Variants in CCR5AS observed in about 807,000 individuals in gnomAD.
CCR5AS encodes CCR5 antisense RNA.
At chr3:46,392,830 T>G (rs1307737496) in exon 2 of CCR5AS, 1 of 207,496 alleles carries the variant, frequency 4.8e-6, no homozygotes, top group Non-Finnish European at 9.4e-6. Context: ...CTTACCCGGT[T>G]TGAAATTGGT....
At chr3:46,373,716 T>G in intron 2 of CCR5AS, 4 of 1,614,124 alleles carry the variant, frequency 2.5e-6, no homozygotes, top group Non-Finnish European at 3.4e-6. Flanking sequence ...TTGCAGTAGC[T>G]CTAACAGGTT....
intron 1 of CCR5AS, among the ~76,000 whole-genome samples, chr3:46,398,594 T>A (rs1701980760): frequency 6.6e-6 from 1 of 152,242 alleles, no homozygotes; most frequent in African/African-American, 2.4e-5. Flanking sequence ...GAATTTGTCT[T>A]ATTGTCCTAA....
intron 1 of CCR5AS, among the ~76,000 whole-genome samples, chr3:46,395,514 T>C (rs1265196868): frequency 2.6e-5 from 4 of 152,082 alleles, no homozygotes; most frequent in East Asian, 3.9e-4. Context: ...TAAGAGGAAG[T>C]GTCAGCAACG....
chr3:46,397,733 CA>C (rs1701973244), intron 1 of CCR5AS, among the ~76,000 whole-genome samples: 1 of 152,198 alleles, frequency 6.6e-6, no homozygotes, highest in Non-Finnish European at 1.5e-5. Context: ...ATAAGGTGAG[CA>C]TCCCCCAGAA....
intron 2 of CCR5AS, among the ~76,000 whole-genome samples, chr3:46,392,461 G>A (rs1192957628): frequency 6.6e-6 from 1 of 152,210 alleles, no homozygotes; most frequent in Non-Finnish European, 1.5e-5. Context: ...GAAAGGTAGA[G>A]ACATGGAGAA....
At chr3:46,390,197 G>A (rs1701897848) in intron 2 of CCR5AS, among the ~76,000 whole-genome samples, 1 of 152,132 alleles carries the variant, frequency 6.6e-6, no homozygotes, top group African/African-American at 2.4e-5. Context: ...GTCAGTCCAA[G>A]TAAGGCAAAA....
chr3:46,375,916 T>C (rs1701750504), intron 2 of CCR5AS: 1 of 167,056 alleles, frequency 6.0e-6, no homozygotes, highest in Non-Finnish European at 1.5e-5. Flanking sequence ...TAGTAAGTGG[T>C]GAGAACTACT....
intron 2 of CCR5AS, chr3:46,373,067 G>T (rs148106779): frequency 7.4e-6 from 12 of 1,614,032 alleles, no homozygotes; most frequent in South Asian, 1.1e-5. Flanking sequence ...TCCTCATCCT[G>T]ATAAACTGCA....
At chr3:46,404,460 G>A (rs1305759511) in intron 1 of CCR5AS, among the ~76,000 whole-genome samples, 2 of 150,718 alleles carry the variant, frequency 1.3e-5, no homozygotes, top group Admixed American at 6.6e-5. Context: ...TCAGCCTCCC[G>A]AGTAGCTGGG....
intron 3 of CCR5AS, among the ~76,000 whole-genome samples, chr3:46,366,974 G>A (rs1701605869): frequency 6.6e-6 from 1 of 152,140 alleles, no homozygotes; most frequent in African/African-American, 2.4e-5. Context: ...ACCGAGAAGA[G>A]CCCGACTGTC....
At chr3:46,367,847 T>C (rs758115066) in intron 3 of CCR5AS, among the ~76,000 whole-genome samples, 7 of 152,220 alleles carry the variant, frequency 4.6e-5, no homozygotes, top group Non-Finnish European at 8.8e-5. Flanking sequence ...GCTGGGATTA[T>C]AGGCATGAGC....
intron 2 of CCR5AS, among the ~76,000 whole-genome samples, chr3:46,391,379 G>T (rs1382908394): frequency 6.6e-6 from 1 of 152,180 alleles, no homozygotes; most frequent in African/African-American, 2.4e-5. Flanking sequence ...TTAAGGCGAG[G>T]GTAATTAAAT....
intron 2 of CCR5AS, among the ~76,000 whole-genome samples, chr3:46,376,926 C>T (rs3087252): frequency 0.3 from 45,796 of 152,010 alleles, 7,853 homozygotes; most frequent in East Asian, 0.56. Context: ...GAAGACAGAA[C>T]AGCTTGATCT....
At chr3:46,405,566 A>T (rs1014444450) in intron 1 of CCR5AS, among the ~76,000 whole-genome samples, 1 of 152,148 alleles carries the variant, frequency 6.6e-6, no homozygotes, top group Non-Finnish European at 1.5e-5. Context: ...GGAGAGACCC[A>T]GGAGGAGGGG....
At chr3:46,375,035 G>A (rs1040048384) in intron 2 of CCR5AS, 1 of 167,402 alleles carries the variant, frequency 6.0e-6, no homozygotes, top group African/African-American at 2.4e-5. Context: ...CAAGCAGATT[G>A]GAGAAACCCT....
At chr3:46,398,930 G>A (rs774274544) in intron 1 of CCR5AS, among the ~76,000 whole-genome samples, 13 of 152,150 alleles carry the variant, frequency 8.5e-5, no homozygotes, top group Non-Finnish European at 2.9e-5. Flanking sequence ...ATGTTTCAAC[G>A]TTTTGATGTA....
intron 2 of CCR5AS, among the ~76,000 whole-genome samples, chr3:46,381,533 C>T (rs770688351): frequency 2.0e-5 from 3 of 152,148 alleles, no homozygotes; most frequent in Non-Finnish European, 4.4e-5. Flanking sequence ...GGTTTTGAGT[C>T]AAGACAATTC....
intron 1 of CCR5AS, among the ~76,000 whole-genome samples, chr3:46,402,892 G>A (rs2373232): frequency 0.76 from 115,605 of 152,006 alleles, 44,778 homozygotes; most frequent in African/African-American, 0.91. Flanking sequence ...CCCTCCTCCC[G>A]CCCTCCAGTC....
chr3:46,395,079 G>A (rs1701948178), intron 1 of CCR5AS, among the ~76,000 whole-genome samples: 4 of 152,170 alleles, frequency 2.6e-5, no homozygotes, highest in Admixed American at 2.6e-4. Context: ...TTCCAAGGTA[G>A]GAAAGCCCTG....
Sources: gnomAD v4.1 joint callset for allele counts (sites outside exome capture counted in the v4.1 genomes callset) on GRCh38, gnomAD v4.1.1 for gene constraint, MANE v1.5 for transcripts, NCBI Gene and HGNC (gene_info 2026-07-23, HGNC 2026-07-21) for gene names.